Variants in PIP5K1C observed in about 807,000 individuals in gnomAD.
The protein encoded by PIP5K1C is phosphatidylinositol 4-phosphate 5-kinase type-1 gamma.
In PIP5K1C, 45 loss-of-function variants were observed where a neutral mutation model predicts 80.1. The ratio of observed to expected loss-of-function variants is 0.56; its 90% CI spans 0.44 to 0.72. The LOEUF (loss-of-function observed/expected upper bound fraction) is 0.72. Among genes scored for constraint, PIP5K1C ranks in the 30% least tolerant of loss-of-function variants. The pLI is 0.00. For synonymous variants in PIP5K1C, 498 were observed against 420.1 expected, an observed-to-expected ratio of 1.19 and a Z score of -2.27; for missense variants, 753 against 954.6, an observed-to-expected ratio of 0.79 and a Z score of 2.78.
rs547733245 is a variant in PIP5K1C, at chr19:3,633,659, C to T, written c.1921-139G>A. The T allele has an allele frequency of 8.0e-5, 42 of 527,056 alleles. No individual in the cohort carries two copies. The South Asian group carries it at 2.7e-3, about 34-fold the overall frequency. The allele number at this position is 527,056 out of a possible 1,614,324, so 32.6% of individuals were successfully genotyped here. Reference sequence around the variant, plus strand: ...ATGGAAGACGAGGGGTGGCTCAGCCCAGCTGCCCTCTCTGACCCGGTGGAC... The same window carrying T: ...ATGGAAGACGAGGGGTGGCTCAGCCTAGCTGCCCTCTCTGACCCGGTGGAC... On this transcript the variant is annotated intron_variant, in intron 16 of 17. Coordinates refer to ENST00000335312, the MANE Select transcript of PIP5K1C (RefSeq NM_012398.3).
Position 3,639,028 on chromosome 19 carries a change from A to C in PIP5K1C, c.1788-12T>G. 1.9e-6 allele frequency: 3 copies of C among 1,609,212 alleles called. No individual in the cohort carries two copies. The highest frequency in any genetic ancestry group is 2.5e-6 in the Non-Finnish European group (3 of 1,179,844). On this transcript the variant is annotated splice_polypyrimidine_tract_variant and intron_variant, in intron 15 of 17. Coordinates refer to ENST00000335312, the MANE Select transcript of PIP5K1C (RefSeq NM_012398.3). ...GGGAAGCCTCCACCCTGGGGACAGG[A>C]GTAGACAGAGGGTCTTGACCCTCAG...
At position 3,641,786 on chromosome 19, in the gene PIP5K1C, T is replaced by C. The variant is rs148921132; in HGVS notation, c.1706A>G (p.Glu569Gly). The C allele has an allele frequency of 1.1e-5, 18 of 1,611,934 alleles. No homozygotes were observed. The African/African-American group carries it at 2.3e-4, about 20-fold the overall frequency. The change falls in exon 15 of 18, where the codon GAA (glutamate) becomes GGA (glycine). Residue 569 changes from glutamate to glycine, a missense_variant. By Grantham distance (98) the Glu-to-Gly change is moderately conservative. Coordinates refer to ENST00000335312, the MANE Select transcript of PIP5K1C (RefSeq NM_012398.3). ...CACTGTAATCTGCTGCAGATCCTCT[T>C]CCGCGGGTGGCTCCTCCTGCGGCCT... ...DGRPQEEPPAEEDLQQITVQV... is the reference protein window; with the variant it reads ...DGRPQEEPPAGEDLQQITVQV...
intron 16 of PIP5K1C, chr19:3,636,719 G>C (rs2033702816): frequency 2.0e-6 from 2 of 986,696 alleles, no homozygotes; most frequent in South Asian, 4.7e-5. Context: ...CTGGCACACA[G>C]AGGTGCTCGG....
At chr19:3,653,216 G>C in intron 7 of PIP5K1C, 74 bp downstream of exon 7, 1 of 1,450,334 alleles carries the variant, frequency 6.9e-7, no homozygotes, top group Non-Finnish European at 9.5e-7. Context: ...CCCTGGCCCT[G>C]CCTGCCCAGG....
chr19:3,641,064 A>T (rs2033940640), intron 15 of PIP5K1C, among the ~76,000 whole-genome samples: 1 of 151,636 alleles, frequency 6.6e-6, no homozygotes, highest in African/African-American at 2.4e-5. Context: ...CACACACAAA[A>T]ATTAGCCATG....
chr19:3,693,023 C>T (rs983172519), intron 1 of PIP5K1C, among the ~76,000 whole-genome samples: 17 of 151,890 alleles, frequency 1.1e-4, no homozygotes, highest in African/African-American at 3.9e-4. Context: ...CTCCTCTGCT[C>T]GGCTCTTCTC....
rs35334182 is a variant in PIP5K1C at position 3,695,729 on chromosome 19, C to CTT, written c.94+4566_94+4567dup. On this transcript the variant is annotated intron_variant, in intron 1 of 17. Transcript: ENST00000335312. ...AAGAGACACCACAATCCCACTGACC[C>CTT]TTTTTTTTTTTTTTTTTTGAGATAC... 1.1e-3 allele frequency among the ~76,000 whole-genome samples: 145 copies of CTT among 130,950 alleles called. 1 individual carries two copies. The highest frequency in any genetic ancestry group is 2.9e-3 in the African/African-American group (99 of 34,196). The allele number at this position is 130,950 out of a possible 152,430, so 85.9% of individuals were successfully genotyped here. A position where few individuals can be genotyped will look rare whatever the true frequency, so the allele number is the denominator to read the frequency against.
intron 7 of PIP5K1C, 47 bp downstream of exon 7, chr19:3,653,243 C>T (rs1485945611): frequency 6.4e-7 from 1 of 1,574,322 alleles, no homozygotes; most frequent in Non-Finnish European, 8.6e-7. Context: ...CCTCACCACG[C>T]AGTCCCACCT....
At chr19:3,662,569 ATTTG>A (rs371249184) in intron 3 of PIP5K1C, among the ~76,000 whole-genome samples, 17 of 151,730 alleles carry the variant, frequency 1.1e-4, no homozygotes, top group African/African-American at 3.9e-4. Context: ...TATTATTTTT[ATTTG>A]TTTATTTTTT....
intron 1 of PIP5K1C, among the ~76,000 whole-genome samples, chr19:3,669,420 A>T (rs2035126976): frequency 6.6e-6 from 1 of 152,112 alleles, no homozygotes; most frequent in Admixed American, 6.5e-5. Context: ...CAGACAGGTG[A>T]GGAGGTGGGT....
chr19:3,662,500 G>C (rs1368818482), intron 3 of PIP5K1C, among the ~76,000 whole-genome samples: 5 of 152,210 alleles, frequency 3.3e-5, no homozygotes, highest in Non-Finnish European at 7.3e-5. Context: ...TTCCCTGCCT[G>C]TAGACAGGGA....
intron 1 of PIP5K1C, among the ~76,000 whole-genome samples, chr19:3,687,420 G>A (rs1262953482): frequency 6.6e-6 from 1 of 151,858 alleles, no homozygotes; most frequent in Non-Finnish European, 1.5e-5. Context: ...TGTCCCAACA[G>A]GGCAGGAAAG....
Position 3,643,714 on chromosome 19 carries a change from C to G in PIP5K1C, c.1511-333G>C, listed in dbSNP as rs866298445. Among the ~76,000 whole-genome samples the G allele has an allele frequency of 2.0e-5, 3 of 150,446 alleles. No individual in the cohort carries two copies. The Admixed American group carries it at 2.0e-4, about 10-fold the overall frequency. On this transcript the variant is annotated intron_variant, in intron 12 of 17. Coordinates refer to ENST00000335312, the MANE Select transcript of PIP5K1C (RefSeq NM_012398.3). ...TTCCCCTCCGCGCTGCTTGGCCACA[C>G]GGGCTCCTTGCTGTTCCCTCAGCAG...
chr19:3,657,415 G>A (rs1420768036), intron 5 of PIP5K1C, among the ~76,000 whole-genome samples: 3 of 152,172 alleles, frequency 2.0e-5, no homozygotes, highest in Non-Finnish European at 2.9e-5. Context: ...TCTGTGTCAC[G>A]CCCTTTAAAA....
At chr19:3,664,735 G>A (rs1259815584) in intron 3 of PIP5K1C, 87 bp downstream of exon 3, 10 of 1,135,244 alleles carry the variant, frequency 8.8e-6, no homozygotes, top group East Asian at 4.7e-5. Context: ...TGTCGGGGGC[G>A]ATAGGCCCCA....
At chr19:3,640,545 C>T (rs182368898) in intron 15 of PIP5K1C, among the ~76,000 whole-genome samples, 1 of 152,218 alleles carries the variant, frequency 6.6e-6, no homozygotes. Context: ...GCAGCTGACA[C>T]CATATCCCCA....
chr19:3,661,150 G>C lies in PIP5K1C; in HGVS notation c.351-67C>G, dbSNP rs183078297. ...GCACCTCTCCCCCACCCCCGCCATG[G>C]TCCCTCCTAGTGCCTCTAGCAGCTG... On this transcript the variant is annotated intron_variant, in intron 4 of 17. Coordinates refer to ENST00000335312, the MANE Select transcript of PIP5K1C (RefSeq NM_012398.3). 1.3e-4 allele frequency: 134 copies of C among 1,047,628 alleles called. No individual in the cohort carries two copies. The African/African-American group carries it at 1.8e-3, about 14-fold the overall frequency. 64.9% of individuals were successfully genotyped at this position (1,047,628 alleles called of 1,614,324 possible).
In PIP5K1C at chr19:3,641,693, G is replaced by A. The variant is rs757870057; in HGVS notation, c.1787+12C>T. On this transcript the variant is annotated intron_variant, in intron 15 of 17. Transcript: ENST00000335312. ...GGTGGGCGCCCCGACCTCCCGCCGA[G>A]GCCGTGCTCACCCTGCGTCCTCCTC... 23 of 1,601,632 alleles carry A rather than the reference G, an allele frequency of 1.4e-5. 1 individual carries two copies. The Admixed American group carries it at 1.8e-4, about 13-fold the overall frequency.
intron 5 of PIP5K1C, among the ~76,000 whole-genome samples, chr19:3,659,234 C>A (rs2034747257): frequency 6.6e-6 from 1 of 152,254 alleles, no homozygotes; most frequent in African/African-American, 2.4e-5. Context: ...CACGGCCACA[C>A]TCACACCACA....
Sources: gnomAD v4.1 joint callset for allele counts (sites outside exome capture counted in the v4.1 genomes callset) on GRCh38, gnomAD v4.1.1 for gene constraint, MANE v1.5 for transcripts, NCBI Gene and HGNC (gene_info 2026-07-23, HGNC 2026-07-21) for gene names.